The following NRBP1 variants were observed in gnomAD, a reference collection of about 807,000 sequenced individuals.
NRBP1 encodes the protein nuclear receptor-binding protein.
In NRBP1, 10 loss-of-function variants were observed where a neutral mutation model predicts 76.0. The ratio of observed to expected loss-of-function variants is 0.13; its 90% CI spans 0.08 to 0.22. NRBP1 has a LOEUF of 0.22. Ranked by LOEUF, NRBP1 falls within the 10% of genes least tolerant of loss-of-function variation. The probability of loss-of-function intolerance (pLI) is 1.00; values close to 1 mark genes in which losing one functional copy is unlikely to be tolerated. For missense variants in NRBP1, 344 were observed against 646.0 expected (o/e 0.53, Z 5.07); for synonymous variants, 235 against 240.2 (o/e 0.98, Z 0.20).
Position 27,437,315 on chromosome 2 carries a change from A to G in NRBP1, c.858A>G (p.Glu286=), listed in dbSNP as rs1014999992. The G allele has an allele frequency of 1.2e-6, 2 of 1,613,922 alleles. No homozygotes were observed. Among genetic ancestry groups the G allele is most frequent in the Middle Eastern group, 1.7e-4 (1 of 6,050 alleles). Residue 286 remains glutamate, a synonymous_variant, in exon 10 of 18, where the codon GAA becomes GAG. Transcript: ENST00000379852. ...GAGAGTCCTCATATGTGCCACAGGA[A>G]GCCATCAGCAGTGCCATCCAGCTTC... is the stretch of plus-strand genomic sequence containing the variant. The part of the protein sequence containing the change: ...GNGESSYVPQ[E]AISSAIQLLE...
upstream of NRBP1, chr2:27,428,465 T>C: frequency 2.6e-6 from 1 of 391,030 alleles, no homozygotes; most frequent in Non-Finnish European, 4.5e-6. Context: ...CTCCGAGAGG[T>C]CTCGGCCGGA....
At chr2:27,433,161 G>GTA in intron 1 of NRBP1, 93 bp from the exon 2 acceptor site, 1 of 870,458 alleles carries the variant, frequency 1.1e-6, no homozygotes, top group Non-Finnish European at 1.8e-6. Flanking sequence ...TTACAGGCAT[G>GTA]AGCCACCACG....
At chr2:27,436,965 CTTT>C in intron 8 of NRBP1, 79 bp from the exon 9 acceptor site, 15 of 1,192,626 alleles carry the variant, frequency 1.3e-5, no homozygotes, top group South Asian at 3.0e-5. Context: ...TTTTTCTTTT[CTTT>C]TTTTTTTTTC....
In NRBP1 at chr2:27,435,118, C is replaced by G. The variant is rs1245335474; in HGVS notation, c.567-15C>G. 1.2e-6 allele frequency: 2 copies of G among 1,603,842 alleles called. No homozygotes were observed. Among genetic ancestry groups the G allele is most frequent in the African/African-American group, 1.3e-5 (1 of 74,796 alleles). ...ATTTCCCAGTGGCCCCTCTAACAGCCCAGTGCCCCCACAGCTACCTGCACT... is the reference window on the plus strand; with the variant it reads ...ATTTCCCAGTGGCCCCTCTAACAGCGCAGTGCCCCCACAGCTACCTGCACT... On this transcript the variant is annotated splice_polypyrimidine_tract_variant and intron_variant, in intron 6 of 17. Coordinates refer to ENST00000379852, the MANE Select transcript of NRBP1 (RefSeq NM_013392.4).
Position 27,442,098 on chromosome 2 carries a change from CCTGTGTGGA to C in NRBP1, c.*287_*295del, listed in dbSNP as rs757863510. ...CGCTGATCTGCCGGCTCCCGCCCAG[CCTGTGTGGA>C]AAGGAGGCCCACGGGCACTAGGGGA... On this transcript the variant is annotated 3_prime_UTR_variant, in exon 18 of 18. Transcript: ENST00000379852. 1.6e-3 allele frequency: 831 copies of C among 534,044 alleles called. 4 individuals carry two copies. The highest frequency in any genetic ancestry group is 2.2e-3 in the Non-Finnish European group (677 of 305,576). The allele number at this position is 534,044 out of a possible 1,614,324, so 33.1% of individuals were successfully genotyped here.
rs1276579029 is a variant in NRBP1 at position 27,442,079 on chromosome 2, T to G, written c.*267T>G. ...CTTCTAGTTGGGGGCTAGTCGCTGA[T>G]CTGCCGGCTCCCGCCCAGCCTGTGT... On this transcript the variant is annotated 3_prime_UTR_variant, in exon 18 of 18. Coordinates refer to ENST00000379852, the MANE Select transcript of NRBP1 (RefSeq NM_013392.4). 2.6e-5 allele frequency: 14 copies of G among 533,952 alleles called. No homozygotes were observed. The highest frequency in any genetic ancestry group is 4.3e-5 in the Non-Finnish European group (13 of 305,496). The allele number at this position is 533,952 out of a possible 1,614,324, so 33.1% of individuals were successfully genotyped here.
intron 4 of NRBP1, 81 bp from the exon 5 acceptor site, chr2:27,434,390 A>G (rs1444816123): frequency 1.9e-6 from 2 of 1,053,500 alleles, no homozygotes; most frequent in African/African-American, 3.2e-5. Context: ...ATTTTAACAA[A>G]CCTTCAAATT....
intron 8 of NRBP1, 95 bp from the exon 9 acceptor site, chr2:27,436,952 A>C: frequency 6.8e-7 from 1 of 1,471,138 alleles, no homozygotes; most frequent in Non-Finnish European, 9.4e-7. Context: ...AGCATACAAA[A>C]TATTTTTCTT....
At chr2:27,439,991 GA>G in intron 11 of NRBP1, 93 bp downstream of exon 11, 6 of 356,796 alleles carry the variant, frequency 1.7e-5, no homozygotes, top group South Asian at 7.4e-5. Context: ...TTTCCAAAGG[GA>G]TTCTTTTTTT....
chr2:27,434,607 G>T (rs1353064821), intron 5 of NRBP1, 47 bp downstream of exon 5: 7 of 1,595,534 alleles, frequency 4.4e-6, no homozygotes. Context: ...TTTGGGGGTG[G>T]TTTTAAAAAG....
At position 27,441,828 on chromosome 2, in the gene NRBP1, G is replaced by GGC; in HGVS notation, c.*17_*18dup. The GGC allele has an allele frequency of 6.5e-7, 1 of 1,537,322 alleles. No individual in the cohort carries two copies. The highest frequency in any genetic ancestry group is 1.1e-5 in the South Asian group (1 of 88,334). On this transcript the variant is annotated 3_prime_UTR_variant, in exon 18 of 18. Transcript: ENST00000379852. ...CTCCTCTTAGAGCTCACTCGGGCCA[G>GGC]GCCCTGATCTGCGCTGTGGCTGTCC...
At chr2:27,440,620 T>C in intron 12 of NRBP1, 32 bp from the exon 13 acceptor site, 4 of 1,613,738 alleles carry the variant, frequency 2.5e-6, no homozygotes, top group Non-Finnish European at 3.4e-6. Flanking sequence ...CTTGTTTCTT[T>C]CCTTCCATCT....
At chr2:27,438,827 C>T (rs961500090) in intron 10 of NRBP1, among the ~76,000 whole-genome samples, 2 of 152,084 alleles carry the variant, frequency 1.3e-5, no homozygotes, top group Non-Finnish European at 2.9e-5. Context: ...GGTATGGTGG[C>T]ACATGCCTGT....
At chr2:27,434,195 C>G in intron 4 of NRBP1, 105 bp downstream of exon 4, 1 of 974,322 alleles carries the variant, frequency 1.0e-6, no homozygotes, top group East Asian at 2.4e-5. Context: ...AGTTTTGAAA[C>G]AGAACTGGAA....
intron 17 of NRBP1, 24 bp downstream of exon 17, chr2:27,441,646 C>T: frequency 6.2e-7 from 1 of 1,613,722 alleles, no homozygotes; most frequent in Non-Finnish European, 8.5e-7. Context: ...CTTCATCTGC[C>T]CTGGCTGCCC....
Position 27,428,669 on chromosome 2 carries a change from G to A in NRBP1, c.-83G>A, listed in dbSNP as rs111473111. The A allele has an allele frequency of 7.5e-6, 3 of 398,040 alleles. No individual in the cohort carries two copies. The highest frequency in any genetic ancestry group is 2.1e-5 in the African/African-American group (1 of 48,626). The allele number at this position is 398,040 out of a possible 1,614,324, so 24.7% of individuals were successfully genotyped here. On this transcript the variant is annotated 5_prime_UTR_variant, in exon 1 of 18. Transcript: ENST00000379852. ...AGCGCAGCTGTGAGGGAGTCGCTGTGATCCGGGGCCCCGGAACCCGAGCTG... is the reference window on the plus strand; with the variant it reads ...AGCGCAGCTGTGAGGGAGTCGCTGTAATCCGGGGCCCCGGAACCCGAGCTG...
rs1047009482 is a variant in NRBP1, at chr2:27,441,954, G to A, written c.*142G>A. 9 of 632,846 alleles carry A rather than the reference G, an allele frequency of 1.4e-5. No individual in the cohort carries two copies. Among genetic ancestry groups the A allele is most frequent in the Admixed American group, 2.8e-5 (1 of 35,720 alleles). 39.2% of individuals were successfully genotyped at this position (632,846 alleles called of 1,614,324 possible). Reference sequence around the variant, plus strand: ...TTCAGGAGGGCTGGGGGGGCTCCCTGGTTCTGAGCATCATCCTTTCCCCTC... The same window carrying A: ...TTCAGGAGGGCTGGGGGGGCTCCCTAGTTCTGAGCATCATCCTTTCCCCTC... On this transcript the variant is annotated 3_prime_UTR_variant, in exon 18 of 18. Transcript: ENST00000379852.
At chr2:27,435,569 G>A (rs1057437060) in intron 7 of NRBP1, 33 of 669,860 alleles carry the variant, frequency 4.9e-5, no homozygotes, top group Admixed American at 3.4e-4. Context: ...GAGTGCTTTC[G>A]TTTGCTGTGT....
chr2:27,433,269 C>T lies in NRBP1; in HGVS notation c.-5C>T, dbSNP rs781745693. On this transcript the variant is annotated 5_prime_UTR_variant, in exon 2 of 18. Transcript: ENST00000379852. ...ACCAGTGCAGGCCTGAGTGTTCCTT[C>T]CAGCATGTCGGAGGGGGAGTCCCAG... The T allele has an allele frequency of 6.2e-7, 1 of 1,613,106 alleles. No homozygotes were observed. Among genetic ancestry groups the T allele is most frequent in the South Asian group, 1.1e-5 (1 of 91,034 alleles).
Sources: allele counts gnomAD v4.1 joint callset (sites outside exome capture counted in the v4.1 genomes callset), GRCh38; gene constraint gnomAD v4.1.1; transcripts MANE v1.5; gene names NCBI Gene and HGNC (gene_info 2026-07-23, HGNC 2026-07-21).